The following ELMO1 variants were observed in gnomAD, a reference collection of about 807,000 sequenced individuals.
ELMO1 encodes the protein engulfment and cell motility protein 1.
ELMO1 carries 26 observed loss-of-function variants against 98.9 expected under a neutral mutation model. The ratio of observed to expected loss-of-function variants is 0.26; its 90% CI spans 0.19 to 0.36. ELMO1 has a LOEUF of 0.36. ELMO1 is among the 10% of genes least tolerant of loss of function. The pLI, the probability that ELMO1 is intolerant of heterozygous loss-of-function variation, is 1.00. For synonymous variants in ELMO1, 346 were observed against 346.0 expected (o/e 1.00, Z 0.00); for missense variants, 627 against 935.2 (o/e 0.67, Z 4.30).
chr7:37,420,370 C>G (rs77218316), intron 1 of ELMO1, among the ~76,000 whole-genome samples: 1 of 152,218 alleles, frequency 6.6e-6, no homozygotes, highest in African/African-American at 2.4e-5. Flanking sequence ...ATCTTCAGAG[C>G]CTTCCACTTG....
At chr7:37,351,114 C>T (rs901242675) in intron 1 of ELMO1, 2 of 152,162 alleles carry the variant, frequency 1.3e-5, no homozygotes, top group Non-Finnish European at 2.9e-5. Context: ...CTTCTGAATT[C>T]CAAAAACCTT....
At chr7:37,129,413 G>A (rs1029290292) in intron 14 of ELMO1, among the ~76,000 whole-genome samples, 10 of 152,090 alleles carry the variant, frequency 6.6e-5, no homozygotes, top group African/African-American at 1.9e-4. Flanking sequence ...TGATGTCTAC[G>A]TGGGTCTCAG....
intron 15 of ELMO1, among the ~76,000 whole-genome samples, chr7:37,081,940 G>A (rs1797886540): frequency 6.6e-6 from 1 of 152,168 alleles, no homozygotes; most frequent in African/African-American, 2.4e-5. Context: ...GCAAGTCGAT[G>A]GGAAAATAAG....
intron 16 of ELMO1, among the ~76,000 whole-genome samples, chr7:36,983,076 C>T (rs1449445607): frequency 6.6e-6 from 1 of 152,240 alleles, no homozygotes; most frequent in Admixed American, 6.5e-5. Context: ...TCATCACCCT[C>T]GCCATTGCTT....
intron 17 of ELMO1, among the ~76,000 whole-genome samples, chr7:36,892,131 C>G (rs1380115766): frequency 6.6e-6 from 1 of 152,116 alleles, no homozygotes; most frequent in Non-Finnish European, 1.5e-5. Context: ...TCTCAGAAAA[C>G]GACCATTTTA....
intron 16 of ELMO1, among the ~76,000 whole-genome samples, chr7:37,013,013 C>T (rs1421254930): frequency 1.3e-5 from 2 of 152,144 alleles, no homozygotes; most frequent in Non-Finnish European, 2.9e-5. Flanking sequence ...AGAAAACATT[C>T]GCCTTGATAA....
At chr7:37,231,029 C>T (rs1445662416) in intron 8 of ELMO1, among the ~76,000 whole-genome samples, 1 of 152,176 alleles carries the variant, frequency 6.6e-6, no homozygotes, top group African/African-American at 2.4e-5. Context: ...TCCTTTATGG[C>T]AATTCATACC....
intron 14 of ELMO1, among the ~76,000 whole-genome samples, chr7:37,099,305 A>G (rs1784519710): frequency 6.6e-6 from 1 of 152,244 alleles, no homozygotes; most frequent in Admixed American, 6.5e-5. Context: ...AAAGATTACA[A>G]TTATGAATGC....
intron 19 of ELMO1, among the ~76,000 whole-genome samples, chr7:36,873,016 A>C (rs985393458): frequency 1.3e-5 from 2 of 152,176 alleles, no homozygotes; most frequent in Admixed American, 1.3e-4. Context: ...TCTAATAGAA[A>C]GGCTTCCAAG....
intron 13 of ELMO1, among the ~76,000 whole-genome samples, chr7:37,148,152 G>A (rs113379400): frequency 1.4e-3 from 217 of 152,250 alleles, no homozygotes; most frequent in African/African-American, 4.6e-3. Flanking sequence ...AATTTTGGAC[G>A]TCCACTACTA....
At chr7:37,399,899 G>C (rs1243636126) in intron 1 of ELMO1, among the ~76,000 whole-genome samples, 1 of 152,196 alleles carries the variant, frequency 6.6e-6, no homozygotes, top group African/African-American at 2.4e-5. Flanking sequence ...AACTTGAAAT[G>C]TGCAAATTAT....
intron 13 of ELMO1, among the ~76,000 whole-genome samples, chr7:37,208,573 G>A (rs1037794436): frequency 2.0e-5 from 3 of 152,190 alleles, no homozygotes; most frequent in Admixed American, 1.3e-4. Context: ...AATTCTGCAC[G>A]AGACTGCTTA....
chr7:36,940,515 T>C (rs1786938462), intron 16 of ELMO1, among the ~76,000 whole-genome samples: 1 of 152,248 alleles, frequency 6.6e-6, no homozygotes, highest in African/African-American at 2.4e-5. Context: ...AATTGTAGTT[T>C]AGAATATTAG....
Position 37,233,025 on chromosome 7 carries a change from C to A in ELMO1, c.549+70G>T. ...AAAGGAAAGACAATTATGAAACATC[C>A]TCAAAGCAGAGAAAAATAGCTATGA... On this transcript the variant is annotated intron_variant, in intron 8 of 21. Coordinates refer to ENST00000310758, the MANE Select transcript of ELMO1 (RefSeq NM_014800.11). The A allele has an allele frequency of 3.8e-6, 5 of 1,315,054 alleles. No homozygotes were observed. The South Asian group carries it at 4.0e-5, about 11-fold the overall frequency. The allele number at this position is 1,315,054 out of a possible 1,614,324, so 81.5% of individuals were successfully genotyped here.
At position 37,360,952 on chromosome 7, in the gene ELMO1, A is replaced by C. The variant is rs1395460158; in HGVS notation, c.-73-18189T>G. ...ACTGGACAATATTCACAACATTTTC[A>C]ATGATTCATTTACATCCATTGACAT... On this transcript the variant is annotated intron_variant, in intron 1 of 21. Coordinates refer to ENST00000310758, the MANE Select transcript of ELMO1 (RefSeq NM_014800.11). 2.0e-5 allele frequency among the ~76,000 whole-genome samples: 3 copies of C among 150,720 alleles called. No individual in the cohort carries two copies. In the East Asian group the frequency reaches 5.8e-4, roughly 29 times the overall value.
At chr7:37,101,130 A>T (rs942712221) in intron 14 of ELMO1, among the ~76,000 whole-genome samples, 4 of 152,222 alleles carry the variant, frequency 2.6e-5, no homozygotes, top group Admixed American at 2.6e-4. Context: ...TGGCTCTCTG[A>T]TGACAGGCTT....
At chr7:37,329,727 A>G (rs1362119839) in intron 2 of ELMO1, among the ~76,000 whole-genome samples, 1 of 152,196 alleles carries the variant, frequency 6.6e-6, no homozygotes, top group Non-Finnish European at 1.5e-5. Flanking sequence ...AGATCCTTCC[A>G]GTTGTTCATA....
At chr7:37,048,040 C>T (rs1358006354) in intron 15 of ELMO1, among the ~76,000 whole-genome samples, 1 of 152,200 alleles carries the variant, frequency 6.6e-6, no homozygotes. Context: ...ACTAAATCTT[C>T]ACATCTTGAA....
At chr7:37,046,084 A>G (rs959272678) in intron 15 of ELMO1, among the ~76,000 whole-genome samples, 5 of 152,252 alleles carry the variant, frequency 3.3e-5, no homozygotes, top group African/African-American at 1.2e-4. Flanking sequence ...TAATCACCAT[A>G]TCCACCTTTA....
Sources: gnomAD v4.1 joint callset for allele counts (sites outside exome capture counted in the v4.1 genomes callset) on GRCh38, gnomAD v4.1.1 for gene constraint, MANE v1.5 for transcripts, NCBI Gene and HGNC (gene_info 2026-07-23, HGNC 2026-07-21) for gene names.